Variants in NUP210L observed in about 807,000 individuals in gnomAD.
NUP210L encodes nucleoporin 210 like, also known as nuclear pore membrane glycoprotein 210-like.
NUP210L carries 74 observed loss-of-function variants against 208.5 expected under a neutral mutation model. That is an observed-to-expected ratio of 0.35 (90% CI 0.29 to 0.43). The LOEUF is 0.43. Ranked by LOEUF, NUP210L falls within the 20% of genes least tolerant of loss-of-function variation. The pLI, the probability that NUP210L is intolerant of heterozygous loss-of-function variation, is 1.00. For synonymous variants in NUP210L, 780 were observed against 816.9 expected (o/e 0.95, Z 0.77); for missense variants, 1,843 against 2,289.4 (o/e 0.81, Z 3.98).
chr1:154,098,093 T>C (rs1244149451), intron 14 of NUP210L, among the ~76,000 whole-genome samples: 1 of 152,228 alleles, frequency 6.6e-6, no homozygotes, highest in Non-Finnish European at 1.5e-5. Context: ...GGCACACCAG[T>C]TGCTGCAGTG....
chr1:154,054,245 C>G, exon 25 of NUP210L: 1 of 1,614,154 alleles, frequency 6.2e-7, no homozygotes, highest in Middle Eastern at 1.7e-4. Flanking sequence ...AACACAATGA[C>G]TTTGCCAGTA....
rs1418663443 is a variant in NUP210L at position 154,027,093 on chromosome 1, AAAAC to A, written c.3947+409_3947+412del. On this transcript the variant is annotated intron_variant, in intron 29 of 39. Coordinates refer to ENST00000368559, the Ensembl canonical transcript of NUP210L. ...GCGAGACTGTCTCAAAAAAAAAAAA[AAAAC>A]AAAAAAAAAAAAACAAAAAACACAA... Among the ~76,000 whole-genome samples the A allele has an allele frequency of 7.0e-5, 10 of 143,632 alleles. 1 individual carries two copies. Among genetic ancestry groups the A allele is most frequent in the African/African-American group, 2.1e-4 (8 of 38,264 alleles). The allele number at this position is 143,632 out of a possible 152,430, so 94.2% of individuals were successfully genotyped here.
At chr1:154,083,125 C>T (rs1655437707) in intron 16 of NUP210L, among the ~76,000 whole-genome samples, 1 of 152,146 alleles carries the variant, frequency 6.6e-6, no homozygotes, top group African/African-American at 2.4e-5. Context: ...AGCAACCGAG[C>T]AGGTTGCCAC....
At chr1:154,131,150 T>C (rs1658230576) in intron 7 of NUP210L, among the ~76,000 whole-genome samples, 2 of 151,094 alleles carry the variant, frequency 1.3e-5, no homozygotes, top group Admixed American at 1.3e-4. Context: ...CAGGCGCCTG[T>C]AGTCCCAGCT....
intron 14 of NUP210L, among the ~76,000 whole-genome samples, chr1:154,099,614 A>G (rs1255448327): frequency 6.6e-6 from 1 of 152,216 alleles, no homozygotes; most frequent in African/African-American, 2.4e-5. Flanking sequence ...GGGTTCTTCA[A>G]AAGAGAGTAC....
chr1:154,023,329 AAG>A (rs762683857), intron 30 of NUP210L, 32 bp from the exon 31 acceptor site: 2 of 1,556,486 alleles, frequency 1.3e-6, no homozygotes, highest in East Asian at 4.6e-5. Flanking sequence ...GGTACAGAGA[AAG>A]ATGCACTGGA....
At chr1:154,135,015 T>C (rs970921535) in intron 7 of NUP210L, among the ~76,000 whole-genome samples, 5 of 151,228 alleles carry the variant, frequency 3.3e-5, no homozygotes, top group Admixed American at 1.3e-4. Flanking sequence ...TGGGATTACA[T>C]GCGTGAGCCA....
At chr1:154,002,565 C>T (rs954879617) in intron 35 of NUP210L, among the ~76,000 whole-genome samples, 5 of 151,752 alleles carry the variant, frequency 3.3e-5, no homozygotes, top group African/African-American at 7.3e-5. Flanking sequence ...ATGGACGTTG[C>T]AGTGAGCTGA....
chr1:154,024,789 T>C (rs1651761702), intron 30 of NUP210L, among the ~76,000 whole-genome samples: 1 of 149,564 alleles, frequency 6.7e-6, no homozygotes, highest in Admixed American at 6.7e-5. Context: ...GCCTCAGCCT[T>C]CCAAAGTGCT....
chr1:154,124,118 C>A (rs544458353), intron 10 of NUP210L, among the ~76,000 whole-genome samples: 2 of 145,774 alleles, frequency 1.4e-5, no homozygotes, highest in Non-Finnish European at 3.0e-5. Flanking sequence ...ACACAGGAGG[C>A]GGAGGTTGCA....
chr1:154,128,498 T>C (rs750357590), intron 8 of NUP210L, among the ~76,000 whole-genome samples: 11 of 148,018 alleles, frequency 7.4e-5, no homozygotes, highest in Non-Finnish European at 1.3e-4. Context: ...AAAGAAAAAA[T>C]TGTATAATAA....
At chr1:154,038,457 C>T (rs1652685485) in intron 27 of NUP210L, among the ~76,000 whole-genome samples, 1 of 152,016 alleles carries the variant, frequency 6.6e-6, no homozygotes, top group Non-Finnish European at 1.5e-5. Context: ...ATTCTCCTGC[C>T]TCAGCCTCCT....
At chr1:154,118,030 C>A in intron 11 of NUP210L, 150 bp from the exon 12 acceptor site, 1 of 628,314 alleles carries the variant, frequency 1.6e-6, no homozygotes. Flanking sequence ...TGACACTAGG[C>A]TGGGCATGGT....
intron 34 of NUP210L, among the ~76,000 whole-genome samples, chr1:154,011,721 C>G (rs560840705): frequency 8.1e-6 from 1 of 123,196 alleles, no homozygotes; most frequent in African/African-American, 3.0e-5. Flanking sequence ...TGGAGTCTCA[C>G]TCTGCCGCCT....
intron 16 of NUP210L, among the ~76,000 whole-genome samples, chr1:154,074,146 G>A (rs190618620): frequency 1.3e-4 from 20 of 152,162 alleles, no homozygotes; most frequent in Admixed American, 1.3e-3. Context: ...ACTGCCACTG[G>A]AGATCTCTCC....
At chr1:154,062,708 C>T (rs893267808) in intron 17 of NUP210L, among the ~76,000 whole-genome samples, 2 of 151,210 alleles carry the variant, frequency 1.3e-5, no homozygotes, top group African/African-American at 4.9e-5. Flanking sequence ...CCACCTCAGC[C>T]TCCCAAGTAG....
At position 154,043,533 on chromosome 1, in the gene NUP210L, C is replaced by T. The variant is rs556282279; in HGVS notation, c.3696+2536G>A. On this transcript the variant is annotated intron_variant, in intron 27 of 39. Transcript: ENST00000368559. ...TTCTTCATGTTGGTCAGGCTGGTCTCGAACTCCCAAACTCCCGACCTCAGG... is the reference window on the plus strand; with the variant it reads ...TTCTTCATGTTGGTCAGGCTGGTCTTGAACTCCCAAACTCCCGACCTCAGG... Among the ~76,000 whole-genome samples, 43 of 151,030 alleles carry T rather than the reference C, an allele frequency of 2.8e-4. 1 individual carries two copies. The highest frequency in any genetic ancestry group is 3.5e-3 in the Middle Eastern group (1 of 284).
At chr1:154,026,540 G>A (rs567506286) in intron 29 of NUP210L, among the ~76,000 whole-genome samples, 1 of 152,020 alleles carries the variant, frequency 6.6e-6, no homozygotes, top group South Asian at 2.1e-4. Flanking sequence ...TAGAGTTGGG[G>A]TTTCTCCATG....
chr1:154,149,349 G>T (rs921641773), intron 2 of NUP210L, among the ~76,000 whole-genome samples: 5 of 152,104 alleles, frequency 3.3e-5, no homozygotes, highest in Non-Finnish European at 4.4e-5. Flanking sequence ...GCCTCTCAAA[G>T]TGCTGGGATT....
Sources: gnomAD v4.1 joint callset for allele counts (sites outside exome capture counted in the v4.1 genomes callset) on GRCh38, gnomAD v4.1.1 for gene constraint, MANE v1.5 for transcripts, NCBI Gene and HGNC (gene_info 2026-07-23, HGNC 2026-07-21) for gene names.